The following SUGCT variants were observed in gnomAD, a reference collection of about 807,000 sequenced individuals.
The protein encoded by SUGCT is succinyl-CoA:glutarate CoA-transferase.
A neutral mutation model predicts 55.0 loss-of-function variants in SUGCT; 41 were observed. That is an observed-to-expected ratio of 0.74 (90% CI 0.58 to 0.97). SUGCT has a LOEUF of 0.97. Among genes scored for constraint, SUGCT ranks in the 50% least tolerant of loss-of-function variants. SUGCT has a pLI of 0.00. For synonymous variants in SUGCT, 187 were observed against 200.4 expected, an observed-to-expected ratio of 0.93 and a Z score of 0.56; for missense variants, 568 against 547.8, an observed-to-expected ratio of 1.04 and a Z score of -0.37.
chr7:40,333,836 G>T lies in SUGCT; in HGVS notation c.816+16981G>T, dbSNP rs548852824. On this transcript the variant is annotated intron_variant, in intron 9 of 13. Coordinates refer to ENST00000335693, the MANE Select transcript of SUGCT (RefSeq NM_001193313.2). ...GTTACATATGTATACATGTGCCATG[G>T]TGGTGTGCTGCACCCATTAACTCGT... Among the ~76,000 whole-genome samples the T allele has an allele frequency of 3.2e-4, 48 of 150,098 alleles. 1 individual carries two copies. Among genetic ancestry groups the T allele is most frequent in the Admixed American group, 2.9e-3 (43 of 14,982 alleles).
the SUGCT span, among the ~76,000 whole-genome samples, chr7:40,881,116 A>G: frequency 6.6e-6 from 1 of 152,194 alleles, no homozygotes. Context: ...CTTGTAAAGT[A>G]GCTTGCCACT....
intron 8 of SUGCT, among the ~76,000 whole-genome samples, chr7:40,293,457 C>T (rs1397823319): frequency 6.6e-6 from 1 of 152,194 alleles, no homozygotes; most frequent in African/African-American, 2.4e-5. Flanking sequence ...TTAAAAATCT[C>T]TCCGGATGAT....
chr7:40,370,592 G>A (rs1300792127), intron 9 of SUGCT, among the ~76,000 whole-genome samples: 1 of 147,552 alleles, frequency 6.8e-6, no homozygotes, highest in Non-Finnish European at 1.5e-5. Flanking sequence ...AGAGAGAGAT[G>A]GGGGAGAGAG....
At chr7:40,184,578 C>T (rs894251669) in intron 3 of SUGCT, among the ~76,000 whole-genome samples, 3 of 151,906 alleles carry the variant, frequency 2.0e-5, no homozygotes, top group Admixed American at 6.6e-5. Context: ...AACGATCCTT[C>T]GACCTCAGCC....
chr7:40,444,823 C>T (rs1233177241), intron 9 of SUGCT, among the ~76,000 whole-genome samples: 3 of 152,132 alleles, frequency 2.0e-5, no homozygotes, highest in Admixed American at 6.6e-5. Context: ...GGAATGCTTC[C>T]AGTTTTTACC....
intron 1 of SUGCT, chr7:40,154,202 C>G (rs1783764354): frequency 5.8e-6 from 1 of 172,510 alleles, no homozygotes; most frequent in South Asian, 1.4e-4. Flanking sequence ...CTTCCCAACA[C>G]TGGAAATGTC....
intron 12 of SUGCT, among the ~76,000 whole-genome samples, chr7:40,721,771 G>A (rs1786349653): frequency 6.6e-6 from 1 of 152,162 alleles, no homozygotes; most frequent in African/African-American, 2.4e-5. Flanking sequence ...GTTTGCAGTT[G>A]CTACAGTGGA....
At chr7:40,285,900 C>G (rs970400140) in intron 8 of SUGCT, among the ~76,000 whole-genome samples, 2 of 152,134 alleles carry the variant, frequency 1.3e-5, no homozygotes, top group African/African-American at 2.4e-5. Flanking sequence ...TAAAAGGTAG[C>G]TGCTTTAGTT....
At chr7:40,594,106 A>G (rs927365839) in intron 12 of SUGCT, among the ~76,000 whole-genome samples, 1 of 152,086 alleles carries the variant, frequency 6.6e-6, no homozygotes, top group African/African-American at 2.4e-5. Flanking sequence ...ATTCTCAGTC[A>G]TAGGTGGGAA....
At chr7:40,901,427 C>A in the SUGCT span, among the ~76,000 whole-genome samples, 2 of 152,198 alleles carry the variant, frequency 1.3e-5, no homozygotes, top group African/African-American at 2.4e-5. Context: ...ACGAGAATAA[C>A]CTTTAATCTT....
At chr7:40,296,844 G>A (rs1187809989) in intron 8 of SUGCT, among the ~76,000 whole-genome samples, 2 of 152,044 alleles carry the variant, frequency 1.3e-5, no homozygotes, top group East Asian at 3.9e-4. Flanking sequence ...TCCTATATAG[G>A]CCTCTAGAGT....
chr7:40,580,191 A>G (rs1192755898), intron 12 of SUGCT, among the ~76,000 whole-genome samples: 1 of 152,236 alleles, frequency 6.6e-6, no homozygotes, highest in African/African-American at 2.4e-5. Flanking sequence ...ATTTTTCAAC[A>G]TACAATACAC....
chr7:40,436,643 G>T (rs933123120), intron 9 of SUGCT, among the ~76,000 whole-genome samples: 1 of 152,084 alleles, frequency 6.6e-6, no homozygotes, highest in African/African-American at 2.4e-5. Context: ...TTCATATATG[G>T]TACATAGATG....
At chr7:40,616,162 T>C (rs1160569577) in intron 12 of SUGCT, among the ~76,000 whole-genome samples, 1 of 152,202 alleles carries the variant, frequency 6.6e-6, no homozygotes, top group African/African-American at 2.4e-5. Context: ...TTCTTTATTC[T>C]TTGAAGAAAC....
At chr7:40,396,933 T>A (rs948113206) in intron 9 of SUGCT, among the ~76,000 whole-genome samples, 1 of 152,162 alleles carries the variant, frequency 6.6e-6, no homozygotes, top group African/African-American at 2.4e-5. Flanking sequence ...AATGACCCCC[T>A]TCTGAATTCC....
At chr7:40,806,897 G>A (rs1346197347) in intron 13 of SUGCT, among the ~76,000 whole-genome samples, 2 of 152,184 alleles carry the variant, frequency 1.3e-5, no homozygotes, top group Admixed American at 6.5e-5. Context: ...TCTCCATGCA[G>A]CTCCATGTGC....
intron 9 of SUGCT, among the ~76,000 whole-genome samples, chr7:40,426,206 A>C (rs1395134237): frequency 6.6e-6 from 1 of 152,154 alleles, no homozygotes; most frequent in African/African-American, 2.4e-5. Context: ...ATTTTAGTCC[A>C]AACAAGTCTT....
At chr7:40,974,810 A>G in the SUGCT span, among the ~76,000 whole-genome samples, 4 of 152,156 alleles carry the variant, frequency 2.6e-5, no homozygotes, top group Admixed American at 2.6e-4. Flanking sequence ...AGGAAAGTAC[A>G]TTATGTGTAC....
At chr7:40,182,148 G>T in intron 3 of SUGCT, 120 bp downstream of exon 3, 1 of 623,852 alleles carries the variant, frequency 1.6e-6, no homozygotes. Context: ...AAAATGAAAT[G>T]ATTGTCTTTT....
Sources: allele counts gnomAD v4.1 joint callset (sites outside exome capture counted in the v4.1 genomes callset), GRCh38; gene constraint gnomAD v4.1.1; transcripts MANE v1.5; gene names NCBI Gene and HGNC (gene_info 2026-07-23, HGNC 2026-07-21).